RAPGEF4: variants seen among roughly 807,000 people sequenced by gnomAD.
The protein encoded by RAPGEF4 is RAP guanine-nucleotide-exchange factor (GEF) 4.
In RAPGEF4, 66 loss-of-function variants were observed where a neutral mutation model predicts 147.9. The ratio of observed to expected loss-of-function variants is 0.45; its 90% CI spans 0.37 to 0.55. The LOEUF (loss-of-function observed/expected upper bound fraction) is 0.55. Ranked by LOEUF, RAPGEF4 falls within the 20% of genes least tolerant of loss-of-function variation. RAPGEF4 has a pLI of 0.00. For missense variants in RAPGEF4, 1,071 were observed against 1,257.3 expected, an observed-to-expected ratio of 0.85 and a Z score of 2.24; for synonymous variants, 419 against 442.7, an observed-to-expected ratio of 0.95 and a Z score of 0.67.
intron 12 of RAPGEF4, 94 bp downstream of exon 12, chr2:172,985,587 GC>G (rs1191927342): frequency 5.2e-6 from 8 of 1,553,174 alleles, no homozygotes; most frequent in Non-Finnish European, 6.1e-6. Flanking sequence ...TCACTTCTTG[GC>G]CCCGGGTCTG....
chr2:173,050,757 CA>C (rs34661805), intron 30 of RAPGEF4, among the ~76,000 whole-genome samples: 54 of 120,052 alleles, frequency 4.5e-4, no homozygotes, highest in Admixed American at 6.1e-4. Flanking sequence ...CATTTCTTAA[CA>C]AAAAAAAAAA....
rs560242657 is a variant in RAPGEF4, at chr2:172,768,043, C to T, written c.66-26982C>T. ...GCCAGGCTGGTCTCGAACTCCTGAC[C>T]TCAAGTGATCTGCCCGCCTCAGCCT... is the stretch of plus-strand genomic sequence containing the variant. On this transcript the variant is annotated intron_variant, in intron 1 of 30. Transcript: ENST00000397081. Among the ~76,000 whole-genome samples, 4 of 152,150 alleles carry T rather than the reference C, an allele frequency of 2.6e-5. No individual in the cohort carries two copies. In the South Asian group the frequency reaches 8.3e-4, roughly 32 times the overall value.
At chr2:173,047,784 C>T (rs933669814) in intron 29 of RAPGEF4, among the ~76,000 whole-genome samples, 12 of 152,044 alleles carry the variant, frequency 7.9e-5, no homozygotes, top group Admixed American at 1.3e-4. Flanking sequence ...TCACGCCATT[C>T]TCCTGCCTCA....
chr2:172,744,480 G>A, intron 1 of RAPGEF4: 1 of 452,528 alleles, frequency 2.2e-6, no homozygotes, highest in Non-Finnish European at 4.4e-6. Flanking sequence ...ATGTAGTGTA[G>A]AGGTTAAAAA....
At chr2:173,034,050 AT>A in intron 27 of RAPGEF4, 86 bp downstream of exon 27, 7 of 1,289,698 alleles carry the variant, frequency 5.4e-6, no homozygotes, top group Non-Finnish European at 7.6e-6. Flanking sequence ...CATTTTGGAA[AT>A]TTTATCTGTC....
intron 6 of RAPGEF4, among the ~76,000 whole-genome samples, chr2:172,952,257 TG>T (rs1351286024): frequency 6.6e-6 from 1 of 152,184 alleles, no homozygotes; most frequent in Admixed American, 6.5e-5. Flanking sequence ...CCATGAAAGT[TG>T]TAAGAATTGA....
rs568072476 is a variant in RAPGEF4 at position 172,783,462 on chromosome 2, G to A, written c.66-11563G>A. ...CAGACTCCACGTGCTCTGCTCCCTAGTGGCGGCTGTGCAGGCCATGTTTCC... is the reference window on the plus strand; with the variant it reads ...CAGACTCCACGTGCTCTGCTCCCTAATGGCGGCTGTGCAGGCCATGTTTCC... On this transcript the variant is annotated intron_variant, in intron 1 of 30. Transcript: ENST00000397081. Among the ~76,000 whole-genome samples, 3 of 152,282 alleles carry A rather than the reference G, an allele frequency of 2.0e-5. No homozygotes were observed. In the South Asian group the frequency reaches 6.2e-4, roughly 32 times the overall value.
intron 4 of RAPGEF4, among the ~76,000 whole-genome samples, chr2:172,912,989 G>A (rs1263867470): frequency 2.0e-5 from 3 of 150,662 alleles, no homozygotes; most frequent in African/African-American, 7.3e-5. Flanking sequence ...TCCACCTCCC[G>A]GGTTCAAGCA....
intron 6 of RAPGEF4, among the ~76,000 whole-genome samples, chr2:172,951,431 G>A (rs1222407864): frequency 6.6e-6 from 1 of 152,212 alleles, no homozygotes; most frequent in African/African-American, 2.4e-5. Context: ...AGAACAGTGA[G>A]CAAAACAAGG....
At chr2:172,819,360 G>C (rs1255594026) in intron 4 of RAPGEF4, among the ~76,000 whole-genome samples, 3 of 151,968 alleles carry the variant, frequency 2.0e-5, no homozygotes, top group Non-Finnish European at 4.4e-5. Flanking sequence ...CATTTCAGGA[G>C]GGAGGCAGAG....
At chr2:172,935,334 A>G (rs1053711389) in intron 6 of RAPGEF4, among the ~76,000 whole-genome samples, 4 of 152,172 alleles carry the variant, frequency 2.6e-5, no homozygotes, top group African/African-American at 7.2e-5. Flanking sequence ...ATGAGGGAGC[A>G]TAGGGGAAGG....
intron 4 of RAPGEF4, among the ~76,000 whole-genome samples, chr2:172,859,331 T>G (rs1197600524): frequency 2.0e-5 from 3 of 152,232 alleles, no homozygotes; most frequent in African/African-American, 7.2e-5. Context: ...GCAGCAACAT[T>G]TTCAAGATAT....
At chr2:172,736,175 G>A (rs1559013239) in intron 1 of RAPGEF4, 127 bp downstream of exon 1, 1 of 641,608 alleles carries the variant, frequency 1.6e-6, no homozygotes, top group South Asian at 4.7e-5. Flanking sequence ...CCGAGCGGGG[G>A]AAGGGGTTGA....
At chr2:172,821,852 T>C in intron 4 of RAPGEF4, 4 of 1,553,370 alleles carry the variant, frequency 2.6e-6, no homozygotes, top group Non-Finnish European at 3.5e-6. Flanking sequence ...AGCCACTCAG[T>C]AGTAGACACG....
chr2:172,804,123 GA>G (rs563676805), intron 3 of RAPGEF4, among the ~76,000 whole-genome samples: 1,907 of 148,536 alleles, frequency 0.013, 22 homozygotes, highest in Middle Eastern at 0.045. Context: ...AATTTTTTCT[GA>G]AAAAAAAAAT....
intron 6 of RAPGEF4, among the ~76,000 whole-genome samples, chr2:172,958,802 C>T (rs775584211): frequency 6.6e-6 from 1 of 152,222 alleles, no homozygotes; most frequent in Non-Finnish European, 1.5e-5. Context: ...ATTCTAAATA[C>T]ATCTGTATCT....
intron 4 of RAPGEF4, among the ~76,000 whole-genome samples, chr2:172,886,824 C>G (rs1283899179): frequency 1.3e-5 from 2 of 151,218 alleles, no homozygotes; most frequent in African/African-American, 2.4e-5. Flanking sequence ...AAAGTGTTTT[C>G]CAGACTCTTG....
chr2:172,894,877 G>T (rs371017130), intron 4 of RAPGEF4, among the ~76,000 whole-genome samples: 1 of 152,086 alleles, frequency 6.6e-6, no homozygotes, highest in African/African-American at 2.4e-5. Context: ...CCTTTAACTT[G>T]GGCAGTGAAC....
chr2:172,905,851 G>A (rs1043741178), intron 4 of RAPGEF4, among the ~76,000 whole-genome samples: 10 of 152,196 alleles, frequency 6.6e-5, no homozygotes, highest in East Asian at 1.9e-4. Context: ...CCCATTATGC[G>A]GATGCTCTAG....
Sources: gnomAD v4.1 joint callset for allele counts (sites outside exome capture counted in the v4.1 genomes callset) on GRCh38, gnomAD v4.1.1 for gene constraint, MANE v1.5 for transcripts, NCBI Gene and HGNC (gene_info 2026-07-23, HGNC 2026-07-21) for gene names.